The following XKR4 variants were observed in gnomAD, a reference collection of about 807,000 sequenced individuals.
XKR4 encodes XK related 4, also known as XK-related protein 4.
Under a neutral mutation model 53.9 loss-of-function variants are expected in XKR4, and 12 were observed. That is an observed-to-expected ratio of 0.22 (90% CI 0.14 to 0.36). The LOEUF is 0.36. Among genes scored for constraint, XKR4 ranks in the 10% least tolerant of loss-of-function variants. The probability of loss-of-function intolerance (pLI) is 1.00; values close to 1 mark genes in which losing one functional copy is unlikely to be tolerated. For missense variants in XKR4, 799 were observed against 859.5 expected (o/e 0.93, Z 0.88); for synonymous variants, 354 against 362.4 (o/e 0.98, Z 0.26).
intron 1 of XKR4, among the ~76,000 whole-genome samples, chr8:55,240,228 C>T (rs1365241438): frequency 6.6e-6 from 1 of 151,964 alleles, no homozygotes; most frequent in East Asian, 1.9e-4. Flanking sequence ...TTATGAAATG[C>T]CCCAAATAGT....
chr8:55,126,919 A>G (rs1054865118), intron 1 of XKR4, among the ~76,000 whole-genome samples: 2 of 152,252 alleles, frequency 1.3e-5, no homozygotes, highest in African/African-American at 4.8e-5. Flanking sequence ...TTTTCAAAAA[A>G]TCTTAAACAG....
chr8:55,448,187 C>T (rs1299712054), intron 2 of XKR4, among the ~76,000 whole-genome samples: 2 of 152,182 alleles, frequency 1.3e-5, no homozygotes, highest in African/African-American at 2.4e-5. Context: ...AGTTTCTATT[C>T]ATAAGCCTGG....
chr8:55,534,010 C>G lies in XKR4; in HGVS notation c.*9783C>G, dbSNP rs1362217172. On this transcript the variant is annotated 3_prime_UTR_variant, in exon 3 of 3. Transcript: ENST00000327381. ...TAGCTCAGAGAACGGAGTACTGGGT[C>G]GTGGAGACTTGCTTTAAATGGATTC... The G allele has an allele frequency of 6.6e-6, 1 of 151,984 alleles. No homozygotes were observed. The highest frequency in any genetic ancestry group is 2.4e-5 in the African/African-American group (1 of 41,380). 9.4% of individuals were successfully genotyped at this position (151,984 alleles called of 1,614,324 possible).
At chr8:55,152,844 G>C (rs971411973) in intron 1 of XKR4, among the ~76,000 whole-genome samples, 7 of 152,156 alleles carry the variant, frequency 4.6e-5, no homozygotes, top group Non-Finnish European at 8.8e-5. Flanking sequence ...AACTACATTT[G>C]AGCCTAGGCA....
intron 1 of XKR4, among the ~76,000 whole-genome samples, chr8:55,218,491 A>G (rs1817835657): frequency 6.6e-6 from 1 of 152,238 alleles, no homozygotes; most frequent in South Asian, 2.1e-4. Context: ...TTTGAGTGAT[A>G]AAAATAAACA....
chr8:55,483,876 T>TGAAATGAAATGAAATG (rs1806153706), intron 2 of XKR4, among the ~76,000 whole-genome samples: 1 of 148,124 alleles, frequency 6.8e-6, no homozygotes, highest in African/African-American at 2.5e-5. Flanking sequence ...ATAGAGAAAA[T>TGAAATGAAATGAAATG]GAAATGAAAT....
At chr8:55,268,916 C>G (rs1362819857) in intron 1 of XKR4, among the ~76,000 whole-genome samples, 1 of 152,180 alleles carries the variant, frequency 6.6e-6, no homozygotes, top group East Asian at 1.9e-4. Context: ...TAGACTTCTA[C>G]ATGTTTTAAT....
At chr8:55,329,170 G>A (rs564028079) in intron 1 of XKR4, among the ~76,000 whole-genome samples, 2 of 152,240 alleles carry the variant, frequency 1.3e-5, no homozygotes, top group East Asian at 1.9e-4. Flanking sequence ...CCCCAGGATA[G>A]TAGAACTCAG....
intron 2 of XKR4, among the ~76,000 whole-genome samples, chr8:55,398,491 G>A (rs1432768242): frequency 6.6e-6 from 1 of 152,142 alleles, no homozygotes; most frequent in African/African-American, 2.4e-5. Flanking sequence ...TTTGTTGGTA[G>A]GATTAAAAAA....
chr8:55,150,661 CCAGA>C (rs1221445044), intron 1 of XKR4, among the ~76,000 whole-genome samples: 1 of 152,146 alleles, frequency 6.6e-6, no homozygotes, highest in African/African-American at 2.4e-5. Flanking sequence ...TCAGATGTTA[CCAGA>C]CAATTTTTTT....
intron 2 of XKR4, among the ~76,000 whole-genome samples, chr8:55,478,236 G>A (rs1215840144): frequency 2.0e-5 from 3 of 151,978 alleles, no homozygotes; most frequent in Admixed American, 6.6e-5. Flanking sequence ...AGAGAGTGGG[G>A]GCCAATATTC....
At chr8:55,450,441 G>C (rs1805420505) in intron 2 of XKR4, 1 of 583,162 alleles carries the variant, frequency 1.7e-6, no homozygotes, top group Non-Finnish European at 3.2e-6. Flanking sequence ...GGTCCACACA[G>C]AGACCTGCAA....
At chr8:55,150,941 A>G (rs1021754152) in intron 1 of XKR4, among the ~76,000 whole-genome samples, 1 of 152,218 alleles carries the variant, frequency 6.6e-6, no homozygotes, top group Non-Finnish European at 1.5e-5. Context: ...TTCTCCCTGC[A>G]CCATTCCGTC....
At chr8:55,486,330 C>G (rs998632611) in intron 2 of XKR4, among the ~76,000 whole-genome samples, 5 of 152,176 alleles carry the variant, frequency 3.3e-5, no homozygotes, top group Admixed American at 6.5e-5. Flanking sequence ...GCTGAGCTGT[C>G]AAGAAATAGT....
intron 1 of XKR4, among the ~76,000 whole-genome samples, chr8:55,309,112 C>T (rs1819352876): frequency 6.6e-6 from 1 of 152,186 alleles, no homozygotes; most frequent in African/African-American, 2.4e-5. Flanking sequence ...ACAGCCCTGC[C>T]AACTCCTTCA....
chr8:55,123,205 G>A (rs1816416023), intron 1 of XKR4, among the ~76,000 whole-genome samples: 1 of 152,132 alleles, frequency 6.6e-6, no homozygotes, highest in South Asian at 2.1e-4. Context: ...TATGGTATAT[G>A]GTCCATGTCA....
At chr8:55,316,217 T>G (rs1003812856) in intron 1 of XKR4, among the ~76,000 whole-genome samples, 2 of 152,204 alleles carry the variant, frequency 1.3e-5, no homozygotes, top group African/African-American at 4.8e-5. Context: ...TATCTTATTT[T>G]GAAAATCTGT....
chr8:55,251,969 A>G (rs1818368320), intron 1 of XKR4, among the ~76,000 whole-genome samples: 1 of 152,210 alleles, frequency 6.6e-6, no homozygotes, highest in Non-Finnish European at 1.5e-5. Flanking sequence ...GTTTCACAGC[A>G]TATTATACTG....
At chr8:55,458,384 T>A (rs1441216448) in intron 2 of XKR4, among the ~76,000 whole-genome samples, 2 of 152,168 alleles carry the variant, frequency 1.3e-5, no homozygotes, top group East Asian at 3.9e-4. Flanking sequence ...GAACTCCATA[T>A]GGTCCCGTGG....
Sources: gnomAD v4.1 joint callset for allele counts (sites outside exome capture counted in the v4.1 genomes callset) on GRCh38, gnomAD v4.1.1 for gene constraint, MANE v1.5 for transcripts, NCBI Gene and HGNC (gene_info 2026-07-23, HGNC 2026-07-21) for gene names.